Variants in EYS observed in about 807,000 individuals in gnomAD.
EYS encodes the protein EGF-like photoreceptor maintenance factor.
In EYS, 250 loss-of-function variants were observed where a neutral mutation model predicts 282.1. The observed-to-expected ratio is 0.89, with a 90% CI of 0.80 to 0.98. The LOEUF is 0.98. Ranked by LOEUF, EYS falls within the 50% of genes least tolerant of loss-of-function variation. EYS has a pLI of 0.00. For synonymous variants in EYS, 1,355 were observed against 1,282.9 expected (o/e 1.06, Z -1.20); for missense variants, 4,016 against 3,709.0 (o/e 1.08, Z -2.15).
chr6:64,498,693 A>C (rs539555038), intron 26 of EYS, among the ~76,000 whole-genome samples: 1 of 151,608 alleles, frequency 6.6e-6, no homozygotes, highest in African/African-American at 2.4e-5. Context: ...CTCATTGTTC[A>C]ACTCCCACTT....
intron 2 of EYS, among the ~76,000 whole-genome samples, chr6:65,631,501 T>G (rs965834720): frequency 6.6e-6 from 1 of 151,902 alleles, no homozygotes; most frequent in Non-Finnish European, 1.5e-5. Flanking sequence ...TCCTGTGTTG[T>G]TTTCCCTCTG....
Position 65,148,927 on chromosome 6 carries a change from T to C in EYS, c.2024-91200A>G, listed in dbSNP as rs569023684. 2.0e-5 allele frequency among the ~76,000 whole-genome samples: 3 copies of C among 152,102 alleles called. No homozygotes were observed. The East Asian group carries it at 5.9e-4, about 30-fold the overall frequency. On this transcript the variant is annotated intron_variant, in intron 12 of 42. Transcript: ENST00000503581. ...GCTGTACCTTGGCCCCTTTTAGCCA[T>C]GGTTGGAGATGAAGCTGCTGGGATG...
At chr6:64,715,053 G>A (rs1159502484) in intron 22 of EYS, among the ~76,000 whole-genome samples, 2 of 151,838 alleles carry the variant, frequency 1.3e-5, no homozygotes, top group Non-Finnish European at 2.9e-5. Flanking sequence ...TGGCACCAGG[G>A]ACCAGATCTG....
At chr6:64,486,645 T>C (rs767916522) in intron 26 of EYS, among the ~76,000 whole-genome samples, 2 of 151,404 alleles carry the variant, frequency 1.3e-5, no homozygotes, top group Non-Finnish European at 3.0e-5. Flanking sequence ...TGGATCTGTT[T>C]CTAAGGAAAA....
rs1414637427 is a variant in EYS, at chr6:64,531,314, G to A, written c.5644+58909C>T. On this transcript the variant is annotated intron_variant, in intron 26 of 42. Transcript: ENST00000503581. ...TGCTTTTATCCCTAGCAGAGAAACA[G>A]GAGAGGATTTTGTAGTACGCCTGGG... 2.6e-5 allele frequency among the ~76,000 whole-genome samples: 4 copies of A among 151,670 alleles called. No individual in the cohort carries two copies. In the South Asian group the frequency reaches 8.3e-4, roughly 31 times the overall value.
intron 35 of EYS, among the ~76,000 whole-genome samples, chr6:63,883,882 C>T (rs1230108500): frequency 1.3e-5 from 2 of 152,206 alleles, no homozygotes. Context: ...AATGTTATTT[C>T]CTGAGAAGAG....
At chr6:63,809,677 C>T (rs755874527) in intron 36 of EYS, among the ~76,000 whole-genome samples, 1 of 151,928 alleles carries the variant, frequency 6.6e-6, no homozygotes, top group African/African-American at 2.4e-5. Context: ...GGTATCCAGA[C>T]ATCATCTCGG....
chr6:65,693,821 T>C (rs891189714), intron 1 of EYS, among the ~76,000 whole-genome samples: 6 of 149,938 alleles, frequency 4.0e-5, no homozygotes, highest in African/African-American at 7.3e-5. Flanking sequence ...CATAAGACAC[T>C]GAGGAAATGG....
intron 11 of EYS, among the ~76,000 whole-genome samples, chr6:65,317,469 A>G: frequency 6.6e-6 from 1 of 152,264 alleles, no homozygotes; most frequent in Non-Finnish European, 1.5e-5. Context: ...TCCTATTGTT[A>G]CGGTCTGTAT....
At chr6:64,245,533 T>G (rs181268425) in intron 30 of EYS, among the ~76,000 whole-genome samples, 1 of 149,514 alleles carries the variant, frequency 6.7e-6, no homozygotes, top group Admixed American at 6.6e-5. Flanking sequence ...ATCTTCCTCT[T>G]TCATTTCTTA....
In EYS at chr6:64,008,032, G is replaced by A. The variant is rs145158142; in HGVS notation, c.6726-8849C>T. Among the ~76,000 whole-genome samples the A allele has an allele frequency of 1.4e-3, 213 of 152,182 alleles. 1 individual carries two copies. Among genetic ancestry groups the A allele is most frequent in the African/African-American group, 4.9e-3 (202 of 41,544 alleles). On this transcript the variant is annotated intron_variant, in intron 33 of 42. Coordinates refer to ENST00000503581, the MANE Select transcript of EYS (RefSeq NM_001142800.2). ...TCAAATTCAGGTCCTGAATATCTTT[G>A]TCAGTTTTCTGCTTCAGTGATCTGT...
chr6:63,904,699 C>A (rs1773734745), intron 35 of EYS, among the ~76,000 whole-genome samples: 1 of 152,160 alleles, frequency 6.6e-6, no homozygotes, highest in Admixed American at 6.5e-5. Flanking sequence ...GAAAGACGAG[C>A]CTCAGGGCCC....
intron 31 of EYS, among the ~76,000 whole-genome samples, chr6:64,156,893 TTTA>T (rs771450537): frequency 2.0e-5 from 3 of 151,886 alleles, no homozygotes; most frequent in African/African-American, 7.3e-5. Context: ...TTTTAATTAA[TTTA>T]TTTTTTTATT....
At chr6:64,816,877 A>T (rs909638428) in intron 21 of EYS, among the ~76,000 whole-genome samples, 2 of 151,876 alleles carry the variant, frequency 1.3e-5, no homozygotes, top group Non-Finnish European at 2.9e-5. Flanking sequence ...TAAATATCCA[A>T]AAAAGGATAC....
In EYS at chr6:65,344,038, C is replaced by T; in HGVS notation, c.1599G>A (p.Glu533=). The T allele has an allele frequency of 6.2e-7, 1 of 1,609,450 alleles. No homozygotes were observed. The change falls in exon 10 of 43, where the codon GAG becomes GAA. Residue 533 remains glutamate, a splice_region_variant and synonymous_variant. Transcript: ENST00000503581. ...AAGCAACTACATAAAATTACCTTAC[C>T]TCTTTTGTGCCTTCATGTGGGAACC... ...SCWFPHEGTK[E]ICANGCSCLS... is the part of the protein sequence containing the mutation.
chr6:65,006,503 C>CAAAAAAAAA (rs59057058), intron 13 of EYS, among the ~76,000 whole-genome samples: 123 of 82,854 alleles, frequency 1.5e-3, no homozygotes, highest in East Asian at 3.1e-3. Flanking sequence ...TATTCTAAGT[C>CAAAAAAAAA]AAAAAAAAAA....
intron 35 of EYS, among the ~76,000 whole-genome samples, chr6:63,943,337 ATTATT>A (rs1246297945): frequency 2.6e-5 from 4 of 152,308 alleles, no homozygotes; most frequent in African/African-American, 9.6e-5. Context: ...TTGGTACTTG[ATTATT>A]TAATCACAGA....
intron 1 of EYS, among the ~76,000 whole-genome samples, chr6:65,641,591 C>T (rs890627746): frequency 1.3e-5 from 2 of 152,182 alleles, no homozygotes; most frequent in Non-Finnish European, 2.9e-5. Flanking sequence ...ATGTCCTATT[C>T]TGTATTACTT....
intron 7 of EYS, among the ~76,000 whole-genome samples, chr6:65,398,058 T>TA (rs1474843264): frequency 1.3e-5 from 2 of 152,076 alleles, no homozygotes; most frequent in Non-Finnish European, 2.9e-5. Context: ...TATCTTCTTT[T>TA]AAAAAATATT....
Sources: gnomAD v4.1 joint callset for allele counts (sites outside exome capture counted in the v4.1 genomes callset) on GRCh38, gnomAD v4.1.1 for gene constraint, MANE v1.5 for transcripts, NCBI Gene and HGNC (gene_info 2026-07-23, HGNC 2026-07-21) for gene names.